The following CFAP54 variants were observed in gnomAD, a reference collection of about 807,000 sequenced individuals.
CFAP54 encodes cilia- and flagella-associated protein 54.
CFAP54 carries 290 observed loss-of-function variants against 370.4 expected under a neutral mutation model. The observed-to-expected ratio is 0.78, with a 90% CI of 0.71 to 0.86. CFAP54 has a LOEUF of 0.86. Ranked by LOEUF, CFAP54 falls within the 40% of genes least tolerant of loss-of-function variation. The pLI is 0.00. For synonymous variants in CFAP54, 1,206 were observed against 1,236.5 expected (o/e 0.98, Z 0.52); for missense variants, 3,399 against 3,528.7 (o/e 0.96, Z 0.93).
rs1008222419 is a variant in CFAP54, at chr12:96,597,510, G to A, written c.3517-1135G>A. Among the ~76,000 whole-genome samples the A allele has an allele frequency of 3.3e-5, 5 of 151,898 alleles. No individual in the cohort carries two copies. In the East Asian group the frequency reaches 9.6e-4, roughly 29 times the overall value. On this transcript the variant is annotated intron_variant, in intron 25 of 67. Transcript: ENST00000524981. ...GCAAAAAAGCTGGTGACAAAGAGAAGTAACAGTACCCCCAGATTGTACAAC... is the reference window on the plus strand; with the variant it reads ...GCAAAAAAGCTGGTGACAAAGAGAAATAACAGTACCCCCAGATTGTACAAC...
chr12:96,502,813 G>A (rs1015662308), intron 2 of CFAP54, among the ~76,000 whole-genome samples: 2 of 152,096 alleles, frequency 1.3e-5, no homozygotes, highest in African/African-American at 4.8e-5. Flanking sequence ...TACAGAAATG[G>A]GGCATCTGAT....
intron 4 of CFAP54, among the ~76,000 whole-genome samples, chr12:96,510,776 A>G (rs1221675042): frequency 1.3e-5 from 2 of 152,120 alleles, no homozygotes; most frequent in Admixed American, 6.6e-5. Flanking sequence ...AGCCTGGCCA[A>G]CATGGCAAGA....
chr12:96,512,401 G>A lies in CFAP54; in HGVS notation c.740-585G>A, dbSNP rs540080155. Among the ~76,000 whole-genome samples the A allele has an allele frequency of 4.6e-4, 60 of 129,550 alleles. 1 individual carries two copies. Among genetic ancestry groups the A allele is most frequent in the Middle Eastern group, 8.1e-3 (2 of 246 alleles). The allele number at this position is 129,550 out of a possible 152,430, so 85.0% of individuals were successfully genotyped here. A position where few individuals can be genotyped will look rare whatever the true frequency, so the allele number is the denominator to read the frequency against. ...TCTGTCGCCCAGGCTAGAGTGCAGT[G>A]GCATGATCTCGGCTCACTGCAACCT... On this transcript the variant is annotated intron_variant, in intron 4 of 67. Transcript: ENST00000524981.
At chr12:96,825,868 A>G (rs998776570) in intron 65 of CFAP54, among the ~76,000 whole-genome samples, 2 of 137,370 alleles carry the variant, frequency 1.5e-5, no homozygotes, top group African/African-American at 5.3e-5. Flanking sequence ...TTAATATATA[A>G]CAGAATATAT....
intron 59 of CFAP54, 55 bp downstream of exon 59, chr12:96,764,304 C>T: frequency 1.5e-6 from 2 of 1,340,776 alleles, no homozygotes; most frequent in Non-Finnish European, 1.1e-6. Context: ...GTATTCTCTG[C>T]CTTTAAAGAA....
At chr12:96,859,697 A>G (rs576234839) in intron 66 of CFAP54, among the ~76,000 whole-genome samples, 17 of 152,108 alleles carry the variant, frequency 1.1e-4, no homozygotes, top group African/African-American at 3.6e-4. Flanking sequence ...GAGCCACCAC[A>G]CCTGACCCCA....
intron 60 of CFAP54, among the ~76,000 whole-genome samples, chr12:96,766,387 TG>T (rs1203767384): frequency 6.6e-6 from 1 of 152,090 alleles, no homozygotes; most frequent in Non-Finnish European, 1.5e-5. Flanking sequence ...TTCCCATAGG[TG>T]GGTTCTCTGG....
At chr12:96,500,622 T>C (rs1477771748) in intron 1 of CFAP54, among the ~76,000 whole-genome samples, 1 of 151,870 alleles carries the variant, frequency 6.6e-6, no homozygotes, top group Non-Finnish European at 1.5e-5. Flanking sequence ...GTAAAGTATC[T>C]AAAAAAAATA....
chr12:96,831,446 T>C lies in CFAP54; in HGVS notation c.9171+2358T>C, dbSNP rs1042838599. Among the ~76,000 whole-genome samples, 3 of 152,216 alleles carry C rather than the reference T, an allele frequency of 2.0e-5. No individual in the cohort carries two copies. The East Asian group carries it at 5.8e-4, about 29-fold the overall frequency. On this transcript the variant is annotated intron_variant, in intron 66 of 67. Transcript: ENST00000524981. The stretch of plus-strand genomic sequence containing the variant: ...CTTGTTAATTCATTTACTTATGATC[T>C]ATAGTTGCTTTCACACTACAAAAGC...
At chr12:96,599,129 G>T (rs954608120) in intron 26 of CFAP54, among the ~76,000 whole-genome samples, 6 of 151,892 alleles carry the variant, frequency 4.0e-5, no homozygotes, top group African/African-American at 1.5e-4. Flanking sequence ...ATTTACATTA[G>T]GTATTTCTCC....
At chr12:96,507,314 C>T (rs1212118234) in intron 4 of CFAP54, among the ~76,000 whole-genome samples, 1 of 152,112 alleles carries the variant, frequency 6.6e-6, no homozygotes, top group Non-Finnish European at 1.5e-5. Context: ...GGGTCAGAGA[C>T]TGTGGGAATA....
intron 65 of CFAP54, among the ~76,000 whole-genome samples, chr12:96,827,088 A>T (rs1959126250): frequency 7.6e-6 from 1 of 130,922 alleles, no homozygotes; most frequent in African/African-American, 2.8e-5. Context: ...ATGTGATTAT[A>T]TATAATGTGC....
chr12:96,514,829 A>G (rs1046999290), intron 5 of CFAP54, among the ~76,000 whole-genome samples: 1 of 152,172 alleles, frequency 6.6e-6, no homozygotes, highest in Admixed American at 6.6e-5. Context: ...TAGGTATTCT[A>G]ATCTTATTAG....
chr12:96,602,968 T>C (rs1195558925), intron 26 of CFAP54, among the ~76,000 whole-genome samples: 1 of 152,252 alleles, frequency 6.6e-6, no homozygotes, highest in East Asian at 1.9e-4. Context: ...TTAAGGTTAA[T>C]ATTGTTATGT....
At chr12:96,854,005 T>C (rs1014475504) in intron 66 of CFAP54, among the ~76,000 whole-genome samples, 2 of 151,722 alleles carry the variant, frequency 1.3e-5, no homozygotes, top group African/African-American at 4.8e-5. Flanking sequence ...AGCCACTTTA[T>C]TTTTTTTAAA....
intron 32 of CFAP54, among the ~76,000 whole-genome samples, chr12:96,639,686 T>A (rs988082998): frequency 2.6e-5 from 4 of 152,148 alleles, no homozygotes; most frequent in African/African-American, 9.7e-5. Context: ...CTCAATAAAA[T>A]ACTGGCAAAC....
chr12:96,674,716 TA>T (rs1363343585), intron 39 of CFAP54, among the ~76,000 whole-genome samples: 2 of 152,360 alleles, frequency 1.3e-5, no homozygotes, highest in East Asian at 3.9e-4. Flanking sequence ...GTTCTTGTTA[TA>T]AATAAAAATT....
Position 96,512,304 on chromosome 12 carries a change from TA to T in CFAP54, c.740-681del, listed in dbSNP as rs1565880076. ...AAGGAAACCATGGGAACCAATTTTA[TA>T]TATATATATATATATATATATATAT... On this transcript the variant is annotated intron_variant, in intron 4 of 67. Transcript: ENST00000524981. Among the ~76,000 whole-genome samples the T allele has an allele frequency of 6.5e-3, 44 of 6,818 alleles. 1 individual carries two copies. Among genetic ancestry groups the T allele is most frequent in the African/African-American group, 0.032 (39 of 1,218 alleles). The allele number at this position is 6,818 out of a possible 152,430, so 4.5% of individuals were successfully genotyped here.
chr12:96,620,554 G>T (rs931224295), intron 26 of CFAP54, among the ~76,000 whole-genome samples: 3 of 152,082 alleles, frequency 2.0e-5, no homozygotes, highest in African/African-American at 7.2e-5. Context: ...ACCCCATCTT[G>T]GGTATGTCTT....
Sources: allele counts gnomAD v4.1 joint callset (sites outside exome capture counted in the v4.1 genomes callset), GRCh38; gene constraint gnomAD v4.1.1; transcripts MANE v1.5; gene names NCBI Gene and HGNC (gene_info 2026-07-23, HGNC 2026-07-21).